The following VCAN variants were observed in gnomAD, a reference collection of about 807,000 sequenced individuals.
The protein encoded by VCAN is versican core protein.
A neutral mutation model predicts 245.5 loss-of-function variants in VCAN; 44 were observed. That is an observed-to-expected ratio of 0.18 (90% CI 0.14 to 0.23). The LOEUF (loss-of-function observed/expected upper bound fraction) is 0.23, where lower values mean the gene tolerates loss of function less well. Ranked by LOEUF, VCAN falls within the 10% of genes least tolerant of loss-of-function variation. VCAN has a pLI of 1.00. For missense variants in VCAN, 3,793 were observed against 4,057.9 expected (o/e 0.93, Z 1.77); for synonymous variants, 1,413 against 1,437.0 (o/e 0.98, Z 0.38).
rs1022927498 is a variant in VCAN, at chr5:83,557,686, G to A, written c.9735+2648G>A. ...GGTCCTAAACGTGGTAAATTAGTGA[G>A]CATCGCACCTTGTCAAAAAAGAAAT... On this transcript the variant is annotated intron_variant, in intron 12 of 14. Transcript: ENST00000265077. 5.9e-5 allele frequency among the ~76,000 whole-genome samples: 9 copies of A among 152,232 alleles called. No homozygotes were observed. The East Asian group carries it at 1.2e-3, about 20-fold the overall frequency.
chr5:83,497,104 A>G lies in VCAN; in HGVS notation c.748+3173A>G, dbSNP rs1265563948. ...GCATGTGATGGAACACACACATAGG[A>G]GTTATGAACCAAGGTGCAATTAATT... is the stretch of plus-strand genomic sequence containing the variant. On this transcript the variant is annotated intron_variant, in intron 5 of 14. Transcript: ENST00000265077. 2.6e-5 allele frequency among the ~76,000 whole-genome samples: 4 copies of G among 152,324 alleles called. No individual in the cohort carries two copies. In the East Asian group the frequency reaches 7.7e-4, roughly 29 times the overall value.
chr5:83,537,937 C>T lies in VCAN; in HGVS notation c.4934C>T (p.Ala1645Val). The change falls in exon 8 of 15, where the codon GCA (alanine) becomes GTA (valine). Residue 1645 changes from alanine to valine, a missense_variant. Ala to Val is a moderately conservative substitution (Grantham distance 64). This residue lies in a region of VCAN where 3,182 missense variants were observed against 3,250.3 expected (regional missense o/e 0.98). Transcript: ENST00000265077. ...CCAATTACAGAAGGCTCTGGAGAAG[C>T]AGAAGAAGATGAAGATACAATGTTC... is the stretch of plus-strand genomic sequence containing the variant. ...SIPITEGSGE[A>V]EEDEDTMFTM... 6.2e-7 allele frequency: 1 copy of T among 1,613,862 alleles called. No individual in the cohort carries two copies. Among genetic ancestry groups the T allele is most frequent in the Non-Finnish European group, 8.5e-7 (1 of 1,179,928 alleles).
In VCAN at chr5:83,521,065, T is replaced by C. The variant is rs1746072847; in HGVS notation, c.2759T>C (p.Met920Thr). ...TSTEGQVYATMEGSALGEVED... is the reference protein window; with the variant it reads ...TSTEGQVYATTEGSALGEVED... ...ACTGAAGGCCAAGTTTATGCAACCATGGAAGGAAGTGCTTTGGGTGAAGTA... is the reference window on the plus strand; with the variant it reads ...ACTGAAGGCCAAGTTTATGCAACCACGGAAGGAAGTGCTTTGGGTGAAGTA... Residue 920 changes from methionine (M) to threonine (T), a missense_variant, in exon 7 of 15, where the codon ATG becomes ACG. Physicochemically the swap from Met to Thr is moderately conservative, Grantham distance 81 (BLOSUM62 -1). Transcript: ENST00000265077. The C allele has an allele frequency of 6.2e-7, 1 of 1,614,018 alleles. No homozygotes were observed. The highest frequency in any genetic ancestry group is 1.1e-5 in the South Asian group (1 of 91,078).
chr5:83,557,074 C>T (rs540632264), intron 12 of VCAN, among the ~76,000 whole-genome samples: 1 of 152,176 alleles, frequency 6.6e-6, no homozygotes, highest in South Asian at 2.1e-4. Context: ...CTTATTTGTG[C>T]CTGGCAGATG....
rs756671868 is a variant in VCAN, at chr5:83,521,043, G to A, written c.2737G>A (p.Glu913Lys). ...AAAAGTTCCACCTATCACAAGCACT[G>A]AAGGCCAAGTTTATGCAACCATGGA... ...EEKVPPITST[E>K]GQVYATMEGS... The change falls in exon 7 of 15, where the codon GAA becomes AAA. Residue 913 changes from glutamate to lysine, a missense_variant. Transcript: ENST00000265077. 3.1e-6 allele frequency: 5 copies of A among 1,614,076 alleles called. No individual in the cohort carries two copies. The South Asian group carries it at 5.5e-5, about 18-fold the overall frequency.
chr5:83,501,116 A>C (rs1745318636), intron 5 of VCAN, among the ~76,000 whole-genome samples: 1 of 152,216 alleles, frequency 6.6e-6, no homozygotes, highest in South Asian at 2.1e-4. Context: ...TCTTGGTAGA[A>C]CTGTCTACTC....
In VCAN at chr5:83,539,533, T is replaced by C; in HGVS notation, c.6530T>C (p.Leu2177Ser). 1 of 1,614,026 alleles carries C rather than the reference T, an allele frequency of 6.2e-7. No homozygotes were observed. ...DKEMKEEDTS[L>S]VNMSTPDPDA... ...GAAATGAAGGAGGAAGACACTTCTT[T>C]AGTTAACATGTCTACTCCAGATCCA... The change falls in exon 8 of 15, where the codon TTA becomes TCA. Residue 2177 changes from leucine to serine, a missense_variant. Physicochemically the swap from Leu to Ser is moderately radical, Grantham distance 145. Around this residue, in one of 5 missense-constraint regions of VCAN, gnomAD observed 3,182 missense variants for 3,250.3 expected, o/e 0.98. Transcript: ENST00000265077.
In VCAN at chr5:83,541,282, C is replaced by G. The variant is rs1485725400; in HGVS notation, c.8279C>G (p.Ser2760Cys). 3 of 1,614,004 alleles carry G rather than the reference C, an allele frequency of 1.9e-6. No homozygotes were observed. Among genetic ancestry groups the G allele is most frequent in the South Asian group, 1.1e-5 (1 of 91,080 alleles). Reference sequence around the variant, plus strand: ...GAAGACAAAAAACATGCTGGTCCTTCTTTTCAGCCAGAATTCTCTTCAGGA... The same window carrying G: ...GAAGACAAAAAACATGCTGGTCCTTGTTTTCAGCCAGAATTCTCTTCAGGA... ...EYEDKKHAGP[S>C]FQPEFSSGAE... Residue 2760 changes from serine to cysteine, a missense_variant, in exon 8 of 15, where the codon TCT becomes TGT. Physicochemically the swap from Ser to Cys is moderately radical, Grantham distance 112 (BLOSUM62 -1). This residue lies in a region of VCAN where 3,182 missense variants were observed against 3,250.3 expected (regional missense o/e 0.98). Coordinates refer to ENST00000265077, the MANE Select transcript of VCAN (RefSeq NM_004385.5).
rs1746843613 is a variant in VCAN, at chr5:83,538,944, A to G, written c.5941A>G (p.Ser1981Gly). ...PSTVPTSVHI[S>G]HISDSEGPSS... is the part of the protein sequence containing the mutation. ...TACAGTACCTACTTCAGTTCACATC[A>G]GTCACATATCTGACTCAGAAGGACC... is the stretch of plus-strand genomic sequence containing the variant. Residue 1981 changes from serine (S) to glycine (G), a missense_variant, in exon 8 of 15, where the codon AGT becomes GGT. Physicochemically the swap from Ser to Gly is moderately conservative, Grantham distance 56. Coordinates refer to ENST00000265077, the MANE Select transcript of VCAN (RefSeq NM_004385.5). 2 of 1,614,068 alleles carry G rather than the reference A, an allele frequency of 1.2e-6. No individual in the cohort carries two copies. Among genetic ancestry groups the G allele is most frequent in the Non-Finnish European group, 1.7e-6 (2 of 1,179,970 alleles).
In VCAN at chr5:83,572,402, C is replaced by T. The variant is rs773355658; in HGVS notation, c.9736-14C>T. The T allele has an allele frequency of 6.2e-7, 1 of 1,613,838 alleles. No homozygotes were observed. The highest frequency in any genetic ancestry group is 2.2e-5 in the East Asian group (1 of 44,850). ...TGACTAGCAAGTAGTTACCTTCTCC[C>T]TCCATTTTTACAGCAATACGAGAAT... On this transcript the variant is annotated splice_polypyrimidine_tract_variant and intron_variant, in intron 12 of 14. Transcript: ENST00000265077.
At chr5:83,505,538 G>A (rs2112379159) in intron 5 of VCAN, among the ~76,000 whole-genome samples, 1 of 152,304 alleles carries the variant, frequency 6.6e-6, no homozygotes, top group Non-Finnish European at 1.5e-5. Flanking sequence ...GGGCAGCTCA[G>A]CCCCTGTGGC....
chr5:83,530,872 G>T (rs1746492529), intron 7 of VCAN, among the ~76,000 whole-genome samples: 1 of 151,976 alleles, frequency 6.6e-6, no homozygotes, highest in African/African-American at 2.4e-5. Context: ...TCATCCTGGG[G>T]CATCATGTGG....
Position 83,521,239 on chromosome 5 carries a change from T to C in VCAN, c.2933T>C (p.Ile978Thr), listed in dbSNP as rs779127146. The C allele has an allele frequency of 6.8e-6, 11 of 1,613,946 alleles. No individual in the cohort carries two copies. The highest frequency in any genetic ancestry group is 3.3e-5 in the Admixed American group (2 of 60,004). ...TCCCATACCATTCCTCTTTCTGTAA[T>C]TCCCAAGACAGACTGGGGAGTGTTA... ...DSSHTIPLSV[I>T]PKTDWGVLVP... Residue 978 changes from isoleucine to threonine, a missense_variant, in exon 7 of 15, where the codon ATT becomes ACT. Coordinates refer to ENST00000265077, the MANE Select transcript of VCAN (RefSeq NM_004385.5).
At position 83,553,057 on chromosome 5, in the gene VCAN, C is replaced by T. The variant is rs183535310; in HGVS notation, c.9494-307C>T. ...AGCCCCAGTTGCTTCACAAGTAAGT[C>T]AGCCAGTGCTATAGCAGCCCAAGAG... On this transcript the variant is annotated intron_variant, in intron 10 of 14. Coordinates refer to ENST00000265077, the MANE Select transcript of VCAN (RefSeq NM_004385.5). Among the ~76,000 whole-genome samples, 10 of 152,314 alleles carry T rather than the reference C, an allele frequency of 6.6e-5. No individual in the cohort carries two copies. In the East Asian group the frequency reaches 1.5e-3, roughly 24 times the overall value.
intron 13 of VCAN, among the ~76,000 whole-genome samples, chr5:83,573,598 G>T (rs1748371084): frequency 6.6e-6 from 1 of 152,066 alleles, no homozygotes; most frequent in East Asian, 1.9e-4. Flanking sequence ...ATTTATTAGA[G>T]AAACATATAA....
At chr5:83,506,294 A>T (rs1745481852) in intron 5 of VCAN, among the ~76,000 whole-genome samples, 1 of 152,160 alleles carries the variant, frequency 6.6e-6, no homozygotes, top group South Asian at 2.1e-4. Context: ...TATAAAACTG[A>T]ATGCCTTTAA....
rs780680672 is a variant in VCAN at position 83,541,672 on chromosome 5, C to A, written c.8669C>A (p.Pro2890His). The A allele has an allele frequency of 6.2e-7, 1 of 1,613,836 alleles. No homozygotes were observed. Among genetic ancestry groups the A allele is most frequent in the South Asian group, 1.1e-5 (1 of 91,066 alleles). Reference sequence around the variant, plus strand: ...GAATACCTTCACATAACTGAGCCTCCCTCTTTATCTCCTGACACAAAATTA... The same window carrying A: ...GAATACCTTCACATAACTGAGCCTCACTCTTTATCTCCTGACACAAAATTA... ...SEEYLHITEP[P>H]SLSPDTKLEP... Residue 2890 changes from proline to histidine, a missense_variant, in exon 8 of 15, where the codon CCC (proline) becomes CAC (histidine). Physicochemically the swap from Pro to His is moderately conservative, Grantham distance 77. Transcript: ENST00000265077.
At chr5:83,499,353 T>C (rs1343709990) in intron 5 of VCAN, among the ~76,000 whole-genome samples, 4 of 152,286 alleles carry the variant, frequency 2.6e-5, no homozygotes, top group Middle Eastern at 6.8e-3. Context: ...GTTTCCCAAC[T>C]GCAATCAAGA....
chr5:83,477,652 A>T (rs568647088), intron 1 of VCAN, among the ~76,000 whole-genome samples: 16 of 152,336 alleles, frequency 1.1e-4, no homozygotes, highest in African/African-American at 3.8e-4. Flanking sequence ...CTGACTAAGT[A>T]AAAATTACAC....
Sources: gnomAD v4.1 joint callset for allele counts (sites outside exome capture counted in the v4.1 genomes callset) on GRCh38, gnomAD v4.1.1 for gene constraint, gnomAD v4.1.1 regional missense constraint, MANE v1.5 for transcripts, NCBI Gene and HGNC (gene_info 2026-07-23, HGNC 2026-07-21) for gene names.